Variants in NAV1 observed in about 807,000 individuals in gnomAD.
NAV1 encodes neuron navigator 1, also known as pore membrane and/or filament interacting like protein 3.
NAV1 carries 18 observed loss-of-function variants against 175.2 expected under a neutral mutation model. The observed-to-expected ratio is 0.10, with a 90% CI of 0.07 to 0.15. NAV1 has a LOEUF of 0.15. Ranked by LOEUF, NAV1 falls within the 10% of genes least tolerant of loss-of-function variation. The pLI is 1.00. For missense variants in NAV1, 1,731 were observed against 2,436.6 expected (o/e 0.71, Z 6.10); for synonymous variants, 897 against 978.7 (o/e 0.92, Z 1.56).
chr1:201,794,381 T>A lies in NAV1; in HGVS notation c.3406-85T>A, dbSNP rs1677304009. On this transcript the variant is annotated intron_variant, in intron 14 of 29. Transcript: ENST00000367296. ...GTCTTGAACTCCTGACCTCAGGTGATCCGCCCACCTCGGCCTCCCAAAGTG... is the reference window on the plus strand; with the variant it reads ...GTCTTGAACTCCTGACCTCAGGTGAACCGCCCACCTCGGCCTCCCAAAGTG... 5 of 1,234,618 alleles carry A rather than the reference T, an allele frequency of 4.0e-6. No individual in the cohort carries two copies. The South Asian group carries it at 4.1e-5, about 10-fold the overall frequency. The allele number at this position is 1,234,618 out of a possible 1,614,324, so 76.5% of individuals were successfully genotyped here.
At chr1:201,607,870 T>TTGTGTGTGTGTGTGTG (rs57110688) in intron 2 of NAV1, among the ~76,000 whole-genome samples, 12 of 138,276 alleles carry the variant, frequency 8.7e-5, no homozygotes, top group East Asian at 4.2e-4. Context: ...GATAACTTTA[T>TTGTGTGTGTGTGTGTG]TGTGTGTGTG....
At chr1:201,684,200 A>G (rs901493352) in intron 1 of NAV1, among the ~76,000 whole-genome samples, 16 of 152,032 alleles carry the variant, frequency 1.1e-4, no homozygotes, top group East Asian at 1.9e-4. Context: ...AGAATCAGCT[A>G]TTTCTCCAAG....
chr1:201,748,517 G>A (rs1673908535), intron 3 of NAV1, among the ~76,000 whole-genome samples: 2 of 152,188 alleles, frequency 1.3e-5, no homozygotes, highest in Admixed American at 1.3e-4. Context: ...GGGCAAAAGT[G>A]GCCAGTCACG....
chr1:201,596,117 A>G (rs1667340744), intron 2 of NAV1, among the ~76,000 whole-genome samples: 2 of 152,238 alleles, frequency 1.3e-5, no homozygotes, highest in Non-Finnish European at 2.9e-5. Context: ...TAACAACAAC[A>G]TTATCTACCC....
chr1:201,789,635 A>T, intron 10 of NAV1, 105 bp from the exon 15 acceptor site: 1 of 1,038,050 alleles, frequency 9.6e-7, no homozygotes, highest in East Asian at 2.4e-5. Context: ...TTTGCTCCAG[A>T]TGCCCTCCAG....
At chr1:201,622,621 A>G (rs1416668983), upstream of NAV1, among the ~76,000 whole-genome samples, 2 of 152,178 alleles carry the variant, frequency 1.3e-5, no homozygotes, top group South Asian at 4.1e-4. Flanking sequence ...GCACTTTCCC[A>G]TATGTGCTTG....
intron 3 of NAV1, among the ~76,000 whole-genome samples, chr1:201,741,780 G>A (rs1673437348): frequency 6.6e-6 from 1 of 152,044 alleles, no homozygotes. Flanking sequence ...CTTTTGAATT[G>A]ATATTCTCCC....
intron 1 of NAV1, among the ~76,000 whole-genome samples, chr1:201,658,589 G>A (rs1033235751): frequency 2.6e-5 from 4 of 152,186 alleles, no homozygotes; most frequent in African/African-American, 9.7e-5. Context: ...CAGAAAAACA[G>A]GTTGGGGTGG....
intron 1 of NAV1, among the ~76,000 whole-genome samples, chr1:201,671,547 C>T (rs1670046272): frequency 6.6e-6 from 1 of 152,208 alleles, no homozygotes; most frequent in African/African-American, 2.4e-5. Context: ...CCTCAATTTG[C>T]TCATCTCTCC....
intron 3 of NAV1, among the ~76,000 whole-genome samples, chr1:201,722,184 C>T (rs981881084): frequency 1.1e-4 from 17 of 152,092 alleles, no homozygotes; most frequent in Admixed American, 7.9e-4. Flanking sequence ...TGCTGTGTAA[C>T]CATCATCACG....
Position 201,787,050 on chromosome 1 carries a change from G to A in NAV1, c.2995+473G>A, listed in dbSNP as rs1196906878. Among the ~76,000 whole-genome samples, 2 of 152,230 alleles carry A rather than the reference G, an allele frequency of 1.3e-5. No individual in the cohort carries two copies. The highest frequency in any genetic ancestry group is 2.9e-5 in the Non-Finnish European group (2 of 68,042). ...AAGTCCAGATTCCTCAACTGCTCTG[G>A]CTGAGCCCAGGCCATCCTAACGCTG... On this transcript the variant is annotated intron_variant, in intron 9 of 29. Transcript: ENST00000367296. This position sits in a 1 kb window ranked among gnomAD's most constrained non-coding sequence, Gnocchi z 4.3.
At chr1:201,776,513 C>T (rs1199599005) in intron 3 of NAV1, among the ~76,000 whole-genome samples, 2 of 151,828 alleles carry the variant, frequency 1.3e-5, no homozygotes, top group East Asian at 1.9e-4. Flanking sequence ...TGGCAGCACG[C>T]GCCTGTAGTC....
exon 9 of NAV1, chr1:201,786,486 T>C: frequency 1.9e-6 from 3 of 1,614,024 alleles, no homozygotes; most frequent in Non-Finnish European, 2.5e-6. Flanking sequence ...ATACCATTGG[T>C]GGGCTGCCTG....
chr1:201,687,840 A>G (rs921748839), intron 1 of NAV1, among the ~76,000 whole-genome samples: 8 of 152,144 alleles, frequency 5.3e-5, no homozygotes, highest in Non-Finnish European at 1.0e-4. Context: ...AGGGCGGGCA[A>G]GTTTCTCCAA....
intron 1 of NAV1, among the ~76,000 whole-genome samples, chr1:201,575,241 G>A (rs930104838): frequency 6.6e-6 from 1 of 152,218 alleles, no homozygotes; most frequent in African/African-American, 2.4e-5. Flanking sequence ...CCTAGAGAGA[G>A]AGAGATGTGT....
intron 2 of NAV1, among the ~76,000 whole-genome samples, chr1:201,609,143 CT>C: frequency 6.6e-6 from 1 of 152,334 alleles, no homozygotes; most frequent in Non-Finnish European, 1.5e-5. Flanking sequence ...CTGCATGTGA[CT>C]GCTGGGCCTG....
At chr1:201,655,586 G>A (rs1426291950) in intron 1 of NAV1, among the ~76,000 whole-genome samples, 2 of 152,200 alleles carry the variant, frequency 1.3e-5, no homozygotes. Flanking sequence ...GAAGGAAGCA[G>A]GACACCAGCG....
At chr1:201,761,784 C>A (rs1339399861) in intron 3 of NAV1, among the ~76,000 whole-genome samples, 1 of 152,190 alleles carries the variant, frequency 6.6e-6, no homozygotes, top group African/African-American at 2.4e-5. Flanking sequence ...CAATGACGTA[C>A]AAGCAGTACG....
intron 3 of NAV1, among the ~76,000 whole-genome samples, chr1:201,769,715 A>G (rs1675444251): frequency 1.3e-5 from 2 of 152,212 alleles, no homozygotes; most frequent in African/African-American, 4.8e-5. Context: ...TAGGCTTCCA[A>G]TTCCATAAAC....
Sources: gnomAD v4.1 joint callset for allele counts (sites outside exome capture counted in the v4.1 genomes callset) on GRCh38, gnomAD v4.1.1 for gene constraint, Gnocchi (gnomAD v3.1) non-coding constraint, MANE v1.5 for transcripts, NCBI Gene and HGNC (gene_info 2026-07-23, HGNC 2026-07-21) for gene names.